The following TRPV1 variants were observed in gnomAD, a reference collection of about 807,000 sequenced individuals.
The protein encoded by TRPV1 is OTRPC1.
A neutral mutation model predicts 82.3 loss-of-function variants in TRPV1; 82 were observed. The observed-to-expected ratio is 1.00, with a 90% CI of 0.83 to 1.20. TRPV1 has a LOEUF of 1.20. Among genes scored for constraint, TRPV1 ranks in the 50% most tolerant of loss-of-function variants. The pLI, the probability that TRPV1 is intolerant of heterozygous loss-of-function variation, is 0.00. For missense variants in TRPV1, 1,067 were observed against 1,096.8 expected (o/e 0.97, Z 0.38); for synonymous variants, 515 against 467.7 (o/e 1.10, Z -1.30).
chr17:3,593,106 G>A (rs938601069), intron 2 of TRPV1, among the ~76,000 whole-genome samples: 2 of 89,296 alleles, frequency 2.2e-5, no homozygotes, highest in African/African-American at 2.0e-4. Context: ...GTGTGTGTGT[G>A]TGTGTGTGTG....
chr17:3,583,563 T>C (rs2075047772), intron 9 of TRPV1, 133 bp from the exon 10 acceptor site: 6 of 779,458 alleles, frequency 7.7e-6, no homozygotes, highest in Admixed American at 2.7e-5. Context: ...ACAAAGACAG[T>C]GTGTTATTAG....
chr17:3,578,482 TC>T (rs2074963372), intron 11 of TRPV1: 1 of 152,040 alleles, frequency 6.6e-6, no homozygotes, highest in Non-Finnish European at 1.5e-5. Context: ...AAACCCTGTC[TC>T]TACTAAAAAT....
At chr17:3,597,744 G>A (rs914523478) in intron 2 of TRPV1, among the ~76,000 whole-genome samples, 1 of 145,126 alleles carries the variant, frequency 6.9e-6, no homozygotes, top group South Asian at 2.2e-4. Context: ...CGCGATCTCA[G>A]CTCACTGCAA....
intron 10 of TRPV1, 77 bp downstream of exon 10, chr17:3,583,261 G>A (rs2075043940): frequency 8.0e-7 from 1 of 1,254,634 alleles, no homozygotes. Flanking sequence ...ATTAAAAAGT[G>A]AGTGAGCGCT....
intron 2 of TRPV1, among the ~76,000 whole-genome samples, chr17:3,607,536 CAATTTTTTTTTTTT>C (rs1567678794): frequency 6.7e-5 from 6 of 89,602 alleles, no homozygotes; most frequent in African/African-American, 3.2e-4. Flanking sequence ...TAAAGTAGAA[CAATTTTTTTTTTTT>C]TTTTGAGGCA....
At chr17:3,607,084 A>C (rs1028934961) in intron 2 of TRPV1, among the ~76,000 whole-genome samples, 1 of 152,216 alleles carries the variant, frequency 6.6e-6, no homozygotes, top group African/African-American at 2.4e-5. Context: ...ATGGTGGCTA[A>C]CGCCTGTAAT....
At chr17:3,588,600 G>A (rs1382507534) in intron 7 of TRPV1, among the ~76,000 whole-genome samples, 2 of 151,942 alleles carry the variant, frequency 1.3e-5, no homozygotes, top group African/African-American at 4.8e-5. Context: ...CCTGAGGTCA[G>A]GATTTTGAGA....
At position 3,566,710 on chromosome 17, in the gene TRPV1, G is replaced by A. The variant is rs1469112365; in HGVS notation, c.*105C>T. ...TTTGGGAACATGCTGGGCAGGCACA[G>A]ACCAGGCCAGGCTGCTGACAGAGCA... On this transcript the variant is annotated 3_prime_UTR_variant, in exon 17 of 17. Coordinates refer to ENST00000572705, the MANE Select transcript of TRPV1 (RefSeq NM_080704.4). 2.1e-6 allele frequency: 3 copies of A among 1,422,114 alleles called. No homozygotes were observed. Among genetic ancestry groups the A allele is most frequent in the African/African-American group, 1.4e-5 (1 of 70,270 alleles). The allele number at this position is 1,422,114 out of a possible 1,614,324, so 88.1% of individuals were successfully genotyped here. A position where few individuals can be genotyped will look rare whatever the true frequency, so the allele number is the denominator to read the frequency against.
rs200274844 is a variant in TRPV1 at position 3,592,125 on chromosome 17, T to C, written c.226A>G (p.Ile76Val). 5.9e-5 allele frequency: 96 copies of C among 1,613,752 alleles called. No homozygotes were observed. The highest frequency in any genetic ancestry group is 1.0e-4 in the Admixed American group (6 of 59,984). ...ATGGTGATAACAGGGCTGACTGTGA[T>C]GGTCGGGCAGGAGTCCAGCTCACCT... Reference protein sequence around the residue: ...EEGELDSCPTITVSPVITIQR... With the variant: ...EEGELDSCPTVTVSPVITIQR... Residue 76 changes from isoleucine (I) to valine (V), a missense_variant, in exon 3 of 17, where the codon ATC becomes GTC. By Grantham distance (29) the Ile-to-Val change is conservative (BLOSUM62 3). Transcript: ENST00000572705.
At chr17:3,582,755 C>T (rs904808290) in intron 10 of TRPV1, among the ~76,000 whole-genome samples, 2 of 151,714 alleles carry the variant, frequency 1.3e-5, no homozygotes, top group African/African-American at 2.4e-5. Context: ...GTCAGGAGTT[C>T]GAGACCAGCC....
chr17:3,569,277 A>AG (rs2074816089), intron 16 of TRPV1, among the ~76,000 whole-genome samples: 1 of 152,066 alleles, frequency 6.6e-6, no homozygotes, highest in African/African-American at 2.4e-5. Flanking sequence ...AAAAAAAAAA[A>AG]TTAGCCGGGT....
At position 3,592,285 on chromosome 17, in the gene TRPV1, T is replaced by C; in HGVS notation, c.66A>G (p.Pro22=). 1 of 1,604,272 alleles carries C rather than the reference T, an allele frequency of 6.2e-7. No homozygotes were observed. Among genetic ancestry groups the C allele is most frequent in the South Asian group, 1.1e-5 (1 of 89,664 alleles). ...AADPLQKDTC[P]DPLDGDPNSR... ...AGTTAGGGTCTCCATCCAGGGGGTCTGGGCAGGTGTCCTTTTGGAGTGGGT... is the reference window on the plus strand; with the variant it reads ...AGTTAGGGTCTCCATCCAGGGGGTCCGGGCAGGTGTCCTTTTGGAGTGGGT... Residue 22 remains proline (P), a synonymous_variant, in exon 3 of 17, where the codon CCA becomes CCG. Transcript: ENST00000572705.
chr17:3,577,098 C>G, intron 13 of TRPV1, 28 bp downstream of exon 13: 1 of 1,566,672 alleles, frequency 6.4e-7, no homozygotes, highest in Non-Finnish European at 8.7e-7. Flanking sequence ...GACCCCTGCC[C>G]TCCCCCAGCG....
At chr17:3,579,890 A>G (rs1421230500) in intron 11 of TRPV1, among the ~76,000 whole-genome samples, 1 of 152,166 alleles carries the variant, frequency 6.6e-6, no homozygotes, top group African/African-American at 2.4e-5. Flanking sequence ...GCCTTTGGCC[A>G]TATCTGGAAA....
chr17:3,579,794 C>T (rs1048224003), intron 11 of TRPV1, among the ~76,000 whole-genome samples: 1 of 152,192 alleles, frequency 6.6e-6, no homozygotes, highest in African/African-American at 2.4e-5. Flanking sequence ...TGTTCTATAA[C>T]TGTGCTTTCA....
chr17:3,595,817 T>C (rs1174810830), intron 2 of TRPV1: 1 of 152,240 alleles, frequency 6.6e-6, no homozygotes, highest in Non-Finnish European at 1.5e-5. Flanking sequence ...GCTGAATCTA[T>C]ACTGCACACT....
chr17:3,566,736 C>T lies in TRPV1; in HGVS notation c.*79G>A. ...ACCAGGCCAGGCTGCTGACAGAGCA[C>T]TGGTGTTCCCTCAGCAGCCCCCCGT... On this transcript the variant is annotated 3_prime_UTR_variant, in exon 17 of 17. Transcript: ENST00000572705. 2.0e-6 allele frequency: 3 copies of T among 1,535,446 alleles called. No homozygotes were observed. Among genetic ancestry groups the T allele is most frequent in the South Asian group, 1.2e-5 (1 of 80,268 alleles).
rs755567455 is a variant in TRPV1 at position 3,588,290 on chromosome 17, G to T, written c.1122C>A (p.Ala374=). The part of the protein sequence containing the change: ...RHLSRKFTEW[A]YGPVHSSLYD... The stretch of plus-strand genomic sequence containing the variant: ...ACAGCGAGGAGTGCACGGGCCCGTA[G>T]GCCCACTCGGTGAACTTCCTGGACA... The change falls in exon 8 of 17, where the codon GCC becomes GCA. Residue 374 remains alanine, a synonymous_variant. Transcript: ENST00000572705. The T allele has an allele frequency of 6.3e-7, 1 of 1,576,184 alleles. No homozygotes were observed. The highest frequency in any genetic ancestry group is 8.6e-7 in the Non-Finnish European group (1 of 1,161,522).
intron 9 of TRPV1, 189 bp downstream of exon 9, chr17:3,585,579 A>G: frequency 1.5e-6 from 1 of 681,528 alleles, no homozygotes; most frequent in Non-Finnish European, 2.4e-6. Flanking sequence ...GGTCTCCTGT[A>G]CAGCCTGAGG....
Sources: gnomAD v4.1 joint callset for allele counts (sites outside exome capture counted in the v4.1 genomes callset) on GRCh38, gnomAD v4.1.1 for gene constraint, MANE v1.5 for transcripts, NCBI Gene and HGNC (gene_info 2026-07-23, HGNC 2026-07-21) for gene names.